Variants in BACH2 observed in about 807,000 individuals in gnomAD.
BACH2 encodes the protein transcription regulator protein BACH2.
A neutral mutation model predicts 61.8 loss-of-function variants in BACH2; 5 were observed. That is an observed-to-expected ratio of 0.08 (90% CI 0.04 to 0.17). The LOEUF (loss-of-function observed/expected upper bound fraction) is 0.17. BACH2 is among the 10% of genes least tolerant of loss of function. The pLI is 1.00. For synonymous variants in BACH2, 446 were observed against 440.1 expected (o/e 1.01, Z -0.17); for missense variants, 824 against 1,091.1 (o/e 0.76, Z 3.45).
chr6:90,099,318 A>T (rs1221183192), intron 4 of BACH2, among the ~76,000 whole-genome samples: 1 of 152,192 alleles, frequency 6.6e-6, no homozygotes, highest in Non-Finnish European at 1.5e-5. Context: ...TGGCCAAGCA[A>T]TTTGAACAAA....
rs187119653 is a variant in BACH2 at position 90,235,571 on chromosome 6, C to T, written c.-275+16942G>A. On this transcript the variant is annotated intron_variant, in intron 3 of 8. Coordinates refer to ENST00000257749, the MANE Select transcript of BACH2 (RefSeq NM_021813.4). ...GATTGTGGCACAAGCCTGTAGTTCC[C>T]AGCTACCTGGGAGGTGGAGGCAAAG... Among the ~76,000 whole-genome samples, 67 of 152,312 alleles carry T rather than the reference C, an allele frequency of 4.4e-4. No homozygotes were observed. In the East Asian group the frequency reaches 0.012, roughly 28 times the overall value.
At chr6:90,159,494 T>C (rs1025091530) in intron 4 of BACH2, among the ~76,000 whole-genome samples, 5 of 152,372 alleles carry the variant, frequency 3.3e-5, no homozygotes, top group South Asian at 2.1e-4. Context: ...AATCCCTTTG[T>C]CTGCATTCTC....
At chr6:90,193,679 C>A (rs548668115) in intron 4 of BACH2, among the ~76,000 whole-genome samples, 2 of 152,334 alleles carry the variant, frequency 1.3e-5, no homozygotes, top group South Asian at 4.1e-4. Context: ...ATCAGAAATA[C>A]TTCCACTGGG....
At chr6:90,073,078 C>T (rs929366707) in intron 5 of BACH2, among the ~76,000 whole-genome samples, 1 of 152,228 alleles carries the variant, frequency 6.6e-6, no homozygotes, top group Non-Finnish European at 1.5e-5. Context: ...CATCCTCGCT[C>T]ACAGTCATCC....
chr6:90,248,434 G>A (rs539099198), intron 3 of BACH2, among the ~76,000 whole-genome samples: 2 of 152,224 alleles, frequency 1.3e-5, no homozygotes, highest in African/African-American at 4.8e-5. Context: ...TAATGGGAGA[G>A]AAAACTATTA....
At chr6:90,296,060 C>A (rs1438824709) in intron 1 of BACH2, among the ~76,000 whole-genome samples, 1 of 152,034 alleles carries the variant, frequency 6.6e-6, no homozygotes, top group African/African-American at 2.4e-5. Context: ...CCTCGCCGGG[C>A]CGGGGGCAGG....
At chr6:90,027,273 A>C (rs1582221499) in intron 5 of BACH2, among the ~76,000 whole-genome samples, 2 of 152,150 alleles carry the variant, frequency 1.3e-5, no homozygotes, top group East Asian at 3.9e-4. Context: ...ATGTGCTTGG[A>C]GCTTTCCAAG....
intron 5 of BACH2, among the ~76,000 whole-genome samples, chr6:90,011,242 T>C (rs1410004344): frequency 6.6e-6 from 1 of 152,228 alleles, no homozygotes; most frequent in Non-Finnish European, 1.5e-5. Context: ...CAGGTATGGA[T>C]TGAGGTTCTT....
intron 2 of BACH2, among the ~76,000 whole-genome samples, chr6:90,254,238 A>G (rs1325898328): frequency 6.6e-6 from 1 of 151,994 alleles, no homozygotes; most frequent in African/African-American, 2.4e-5. Context: ...GAATAGAAAT[A>G]AATGATCCCT....
chr6:90,107,398 C>CA (rs1028272493), intron 4 of BACH2, among the ~76,000 whole-genome samples: 15 of 151,290 alleles, frequency 9.9e-5, no homozygotes, highest in Admixed American at 1.3e-4. Flanking sequence ...CAAAACAAAA[C>CA]AAAAAAAACA....
intron 4 of BACH2, among the ~76,000 whole-genome samples, chr6:90,097,264 T>C (rs922558926): frequency 1.4e-5 from 1 of 69,722 alleles, no homozygotes; most frequent in Non-Finnish European, 2.4e-5. Flanking sequence ...TTCATAGTGT[T>C]CTATAGATTT....
intron 6 of BACH2, among the ~76,000 whole-genome samples, chr6:89,964,844 C>A (rs1013758068): frequency 2.0e-5 from 3 of 152,066 alleles, no homozygotes; most frequent in African/African-American, 7.2e-5. Context: ...TTCAGAGGGC[C>A]CCTGCCCTAT....
intron 3 of BACH2, among the ~76,000 whole-genome samples, chr6:90,227,025 C>T (rs563002978): frequency 8.5e-5 from 13 of 152,286 alleles, no homozygotes; most frequent in African/African-American, 3.1e-4. Context: ...TGTGCGTGAA[C>T]TGCAAGAATA....
At chr6:90,038,296 C>A (rs955570751) in intron 5 of BACH2, among the ~76,000 whole-genome samples, 1 of 152,130 alleles carries the variant, frequency 6.6e-6, no homozygotes, top group Non-Finnish European at 1.5e-5. Flanking sequence ...TTATCAGCAC[C>A]CCAGAATTCT....
intron 4 of BACH2, among the ~76,000 whole-genome samples, chr6:90,205,000 A>G (rs1230580289): frequency 1.3e-5 from 2 of 152,210 alleles, no homozygotes; most frequent in South Asian, 2.1e-4. Flanking sequence ...GATAGGATAA[A>G]GCGGCCAGAG....
chr6:90,296,303 A>G (rs1772383628), intron 1 of BACH2, among the ~76,000 whole-genome samples, 177 bp downstream of exon 1: 3 of 151,416 alleles, frequency 2.0e-5, no homozygotes, highest in Admixed American at 6.6e-5. Context: ...GTTCCTAGAA[A>G]ATGCCATAAA....
intron 3 of BACH2, among the ~76,000 whole-genome samples, chr6:90,233,886 G>C (rs1770178077): frequency 6.6e-6 from 1 of 152,168 alleles, no homozygotes; most frequent in African/African-American, 2.4e-5. Flanking sequence ...TGAGCAGAAA[G>C]AAAGAGGACC....
At chr6:90,169,007 G>A (rs1767722917) in intron 4 of BACH2, among the ~76,000 whole-genome samples, 1 of 152,142 alleles carries the variant, frequency 6.6e-6, no homozygotes, top group Admixed American at 6.5e-5. Context: ...AGTTGGCAGA[G>A]TGTTGTACGA....
chr6:90,188,858 A>G (rs1768455603), intron 4 of BACH2, among the ~76,000 whole-genome samples: 1 of 151,892 alleles, frequency 6.6e-6, no homozygotes. Context: ...TCCAAAGGCT[A>G]GCTCTGAACA....
Sources: allele counts gnomAD v4.1 joint callset (sites outside exome capture counted in the v4.1 genomes callset), GRCh38; gene constraint gnomAD v4.1.1; transcripts MANE v1.5; gene names NCBI Gene and HGNC (gene_info 2026-07-23, HGNC 2026-07-21).